Variants in TTC28 observed in about 807,000 individuals in gnomAD.
TTC28 encodes tetratricopeptide repeat protein 28.
In TTC28, 61 loss-of-function variants were observed where a neutral mutation model predicts 198.0. That is an observed-to-expected ratio of 0.31 (90% CI 0.25 to 0.38). The LOEUF is 0.38. Among genes scored for constraint, TTC28 ranks in the 10% least tolerant of loss-of-function variants. The pLI is 1.00. For synonymous variants in TTC28, 1,171 were observed against 1,297.8 expected, an observed-to-expected ratio of 0.90 and a Z score of 2.10; for missense variants, 2,678 against 3,164.0, an observed-to-expected ratio of 0.85 and a Z score of 3.69.
intron 14 of TTC28, chr22:28,007,592 G>C: frequency 6.6e-6 from 1 of 152,346 alleles, no homozygotes; most frequent in Non-Finnish European, 1.5e-5. Context: ...CTGTGCAGTG[G>C]GCAGGGTTGG....
chr22:28,451,376 G>A (rs2047775682), intron 2 of TTC28, among the ~76,000 whole-genome samples: 1 of 152,126 alleles, frequency 6.6e-6, no homozygotes, highest in African/African-American at 2.4e-5. Context: ...AACACTCTTT[G>A]AAGGAAAACA....
chr22:28,460,612 TAGATA>T, intron 2 of TTC28, among the ~76,000 whole-genome samples: 1 of 642 alleles, frequency 1.6e-3, no homozygotes, highest in African/African-American at 6.4e-3. Flanking sequence ...TAATGGTAGA[TAGATA>T]GATAGATAGA....
chr22:28,134,574 G>A (rs1001509053), intron 6 of TTC28, among the ~76,000 whole-genome samples: 15 of 152,176 alleles, frequency 9.9e-5, no homozygotes, highest in Admixed American at 5.2e-4. Context: ...TAGCCGATTC[G>A]ATCAAGTGGA....
chr22:28,214,719 T>C (rs1927237776), intron 5 of TTC28, among the ~76,000 whole-genome samples: 1 of 152,214 alleles, frequency 6.6e-6, no homozygotes, highest in Non-Finnish European at 1.5e-5. Context: ...TGGAAGACAG[T>C]GTGGTGATTT....
chr22:28,555,049 T>TA (rs2049765920), intron 2 of TTC28, among the ~76,000 whole-genome samples: 1 of 152,006 alleles, frequency 6.6e-6, no homozygotes, highest in South Asian at 2.1e-4. Flanking sequence ...AAGACATAAA[T>TA]AGACAATTCT....
chr22:28,511,000 T>C (rs907350947), intron 2 of TTC28, among the ~76,000 whole-genome samples: 3 of 151,794 alleles, frequency 2.0e-5, no homozygotes, highest in Admixed American at 2.0e-4. Context: ...CTCAAAGAAA[T>C]CAGAGAGGAC....
chr22:28,333,685 A>T (rs2045653078), intron 2 of TTC28, among the ~76,000 whole-genome samples: 1 of 152,118 alleles, frequency 6.6e-6, no homozygotes, highest in African/African-American at 2.4e-5. Context: ...CTTCCAAATG[A>T]CATTTAATTT....
At chr22:28,030,143 A>T in intron 13 of TTC28, 83 bp downstream of exon 13, 1 of 1,500,072 alleles carries the variant, frequency 6.7e-7, no homozygotes, top group South Asian at 1.3e-5. Context: ...AACCAGCTGG[A>T]AGGAGCATCC....
chr22:28,194,106 T>C (rs543334427), intron 5 of TTC28, among the ~76,000 whole-genome samples: 1 of 152,152 alleles, frequency 6.6e-6, no homozygotes, highest in South Asian at 2.1e-4. Flanking sequence ...TGCAATCAAA[T>C]TAGAACTCAG....
At chr22:28,336,804 T>C (rs1382453424) in intron 2 of TTC28, among the ~76,000 whole-genome samples, 1 of 152,218 alleles carries the variant, frequency 6.6e-6, no homozygotes. Context: ...CTGGATTCAC[T>C]GATTTTTTGA....
chr22:28,278,892 G>A (rs2044524274), intron 5 of TTC28, among the ~76,000 whole-genome samples: 1 of 152,064 alleles, frequency 6.6e-6, no homozygotes, highest in Non-Finnish European at 1.5e-5. Context: ...AGGATATGCG[G>A]GGTACGTACA....
intron 8 of TTC28, among the ~76,000 whole-genome samples, chr22:28,103,241 G>C (rs904931115): frequency 6.6e-6 from 1 of 152,154 alleles, no homozygotes; most frequent in Non-Finnish European, 1.5e-5. Flanking sequence ...GTTTGTCAGG[G>C]ACTGGTTCCA....
intron 1 of TTC28, among the ~76,000 whole-genome samples, chr22:28,638,350 A>T (rs1444296086): frequency 6.6e-6 from 1 of 152,116 alleles, no homozygotes; most frequent in Non-Finnish European, 1.5e-5. Flanking sequence ...ATATTTTGAA[A>T]TAAAATTATA....
rs929721809 is a variant in TTC28, at chr22:28,366,715, T to C, written c.382-60072A>G. On this transcript the variant is annotated intron_variant, in intron 2 of 22. Coordinates refer to ENST00000397906, the MANE Select transcript of TTC28 (RefSeq NM_001145418.2). ...AAGAAACACAGTTCACCTATAAAGA[T>C]ACACATAGACTGAAAATAAAGAGAT... Among the ~76,000 whole-genome samples, 5 of 151,884 alleles carry C rather than the reference T, an allele frequency of 3.3e-5. No homozygotes were observed. The South Asian group carries it at 1.0e-3, about 31-fold the overall frequency.
At chr22:28,570,862 T>G (rs1327565941) in intron 2 of TTC28, among the ~76,000 whole-genome samples, 1 of 152,138 alleles carries the variant, frequency 6.6e-6, no homozygotes, top group East Asian at 1.9e-4. Flanking sequence ...GCTAGATGGT[T>G]AATGGGAGGT....
chr22:28,675,732 C>T (rs1184787364), intron 1 of TTC28, among the ~76,000 whole-genome samples: 1 of 129,284 alleles, frequency 7.7e-6, no homozygotes, highest in Admixed American at 8.0e-5. Context: ...GAGTGAAACC[C>T]TGTCACACAC....
chr22:28,373,708 A>T (rs1209965002), intron 2 of TTC28, among the ~76,000 whole-genome samples: 1 of 152,226 alleles, frequency 6.6e-6, no homozygotes, highest in Non-Finnish European at 1.5e-5. Context: ...TTACAGAGTG[A>T]TGTGACCAAA....
At chr22:28,304,367 T>G (rs2045093312) in intron 3 of TTC28, among the ~76,000 whole-genome samples, 1 of 151,812 alleles carries the variant, frequency 6.6e-6, no homozygotes, top group Non-Finnish European at 1.5e-5. Flanking sequence ...CATTAAGATG[T>G]GGGATGATGC....
intron 5 of TTC28, among the ~76,000 whole-genome samples, chr22:28,180,126 G>C (rs1923559900): frequency 6.6e-6 from 1 of 152,240 alleles, no homozygotes; most frequent in East Asian, 1.9e-4. Flanking sequence ...TGTAGAAACA[G>C]AAAACTGAAT....
Sources: allele counts gnomAD v4.1 joint callset (sites outside exome capture counted in the v4.1 genomes callset), GRCh38; gene constraint gnomAD v4.1.1; transcripts MANE v1.5; gene names NCBI Gene and HGNC (gene_info 2026-07-23, HGNC 2026-07-21).